The following TRIM44 variants were observed in gnomAD, a reference collection of about 807,000 sequenced individuals.
TRIM44 encodes the protein tripartite motif containing 44.
Under a neutral mutation model 37.4 loss-of-function variants are expected in TRIM44, and 13 were observed. The observed-to-expected ratio is 0.35, with a 90% CI of 0.23 to 0.55. The LOEUF is 0.55. Ranked by LOEUF, TRIM44 falls within the 20% of genes least tolerant of loss-of-function variation. TRIM44 has a pLI of 0.89. For synonymous variants in TRIM44, 175 were observed against 157.2 expected (o/e 1.11, Z -0.85); for missense variants, 426 against 437.2 (o/e 0.97, Z 0.23).
In TRIM44 at chr11:35,663,429, G is replaced by A. The variant is rs775928122; in HGVS notation, c.318G>A (p.Glu106=). 1.0e-5 allele frequency: 16 copies of A among 1,568,686 alleles called. No homozygotes were observed. Among genetic ancestry groups the A allele is most frequent in the Non-Finnish European group, 1.4e-5 (16 of 1,154,810 alleles). Residue 106 remains glutamate (E), a synonymous_variant, in exon 1 of 5, where the codon GAG becomes GAA. Coordinates refer to ENST00000299413, the MANE Select transcript of TRIM44 (RefSeq NM_017583.6). ...AGAGTGAGTCGGAGGAAGAGAGCGA[G>A]TCAGAGGAAGAGAGCGAGACAGAGG... ...GEESESEEES[E]SEEESETEEE...
chr11:35,677,818 A>G (rs997333833), intron 1 of TRIM44, among the ~76,000 whole-genome samples: 2 of 152,240 alleles, frequency 1.3e-5, no homozygotes, highest in Admixed American at 6.5e-5. Flanking sequence ...TTAAATGATA[A>G]GTGATATTTT....
At position 35,711,112 on chromosome 11, in the gene TRIM44, A is replaced by G. The variant is rs578055573; in HGVS notation, c.748-14812A>G. On this transcript the variant is annotated intron_variant, in intron 2 of 4. Transcript: ENST00000299413. Reference sequence around the variant, plus strand: ...GGGTGATGAAAATGTTTTAAAACCAATGGTAATGATAGTTGCACAACTCTG... The same window carrying G: ...GGGTGATGAAAATGTTTTAAAACCAGTGGTAATGATAGTTGCACAACTCTG... Among the ~76,000 whole-genome samples the G allele has an allele frequency of 5.9e-5, 9 of 152,302 alleles. No individual in the cohort carries two copies. In the South Asian group the frequency reaches 1.0e-3, roughly 18 times the overall value.
intron 2 of TRIM44, among the ~76,000 whole-genome samples, chr11:35,697,700 G>A (rs138972472): frequency 0.011 from 1,608 of 151,048 alleles, 29 homozygotes; most frequent in African/African-American, 0.037. Flanking sequence ...GAGAATATGC[G>A]GTGTTTGGTT....
At chr11:35,786,076 G>C (rs1160614929) in intron 4 of TRIM44, among the ~76,000 whole-genome samples, 1 of 152,102 alleles carries the variant, frequency 6.6e-6, no homozygotes, top group Non-Finnish European at 1.5e-5. Flanking sequence ...ATGAGAATAA[G>C]TTAATACCAA....
At chr11:35,715,169 T>C (rs1852023282) in intron 2 of TRIM44, among the ~76,000 whole-genome samples, 1 of 152,184 alleles carries the variant, frequency 6.6e-6, no homozygotes, top group African/African-American at 2.4e-5. Flanking sequence ...AATAAAGTTA[T>C]AGCAGCTGAC....
chr11:35,776,653 G>A (rs1229870455), intron 4 of TRIM44, among the ~76,000 whole-genome samples: 2 of 152,186 alleles, frequency 1.3e-5, no homozygotes, highest in Non-Finnish European at 2.9e-5. Flanking sequence ...ATTCTGGTAT[G>A]TTGTGTCTTT....
intron 1 of TRIM44, among the ~76,000 whole-genome samples, chr11:35,677,899 G>A (rs1312058254): frequency 6.6e-6 from 1 of 152,214 alleles, no homozygotes; most frequent in Non-Finnish European, 1.5e-5. Context: ...GTGGGAATGA[G>A]AGGGAAGCTT....
intron 1 of TRIM44, among the ~76,000 whole-genome samples, chr11:35,674,953 GGT>G (rs1430082525): frequency 1.3e-5 from 2 of 152,164 alleles, no homozygotes; most frequent in Non-Finnish European, 2.9e-5. Flanking sequence ...TTGAAAGATG[GGT>G]AGGGTGTTAC....
At chr11:35,761,371 G>A (rs1162459043) in intron 4 of TRIM44, among the ~76,000 whole-genome samples, 1 of 143,406 alleles carries the variant, frequency 7.0e-6, no homozygotes, top group African/African-American at 2.6e-5. Flanking sequence ...TATTGTAGCA[G>A]GTCTGTTGTA....
At chr11:35,701,266 T>C (rs946692779) in intron 2 of TRIM44, among the ~76,000 whole-genome samples, 3 of 152,204 alleles carry the variant, frequency 2.0e-5, no homozygotes, top group Non-Finnish European at 4.4e-5. Context: ...TCTGTTTTTT[T>C]TCCCCCCGAA....
At chr11:35,711,645 A>G (rs1851976191) in intron 2 of TRIM44, among the ~76,000 whole-genome samples, 1 of 152,114 alleles carries the variant, frequency 6.6e-6, no homozygotes, top group Non-Finnish European at 1.5e-5. Flanking sequence ...TGTCCCAGCT[A>G]CTTGGGAGAC....
At chr11:35,672,140 C>T (rs188125311) in intron 1 of TRIM44, among the ~76,000 whole-genome samples, 73 of 152,262 alleles carry the variant, frequency 4.8e-4, no homozygotes, top group African/African-American at 1.7e-3. Context: ...TTTAGATATA[C>T]TCAGTAGTCT....
At chr11:35,794,739 G>T (rs1171087331) in intron 4 of TRIM44, among the ~76,000 whole-genome samples, 1 of 152,230 alleles carries the variant, frequency 6.6e-6, no homozygotes, top group Non-Finnish European at 1.5e-5. Flanking sequence ...CCCATGGTTT[G>T]CCTGGGAAGG....
At chr11:35,806,272 A>G (rs1853447338) in intron 4 of TRIM44, 86 bp from the exon 5 acceptor site, 10 of 1,460,972 alleles carry the variant, frequency 6.8e-6, no homozygotes, top group Non-Finnish European at 9.6e-6. Context: ...TATGTCTGAC[A>G]TAAAGTCTGT....
At chr11:35,765,423 G>A (rs527423822) in intron 4 of TRIM44, among the ~76,000 whole-genome samples, 6 of 152,308 alleles carry the variant, frequency 3.9e-5, no homozygotes, top group Non-Finnish European at 8.8e-5. Context: ...AGGAATCAAG[G>A]AAGATTTCAC....
At chr11:35,755,686 G>A (rs1446980932) in intron 4 of TRIM44, among the ~76,000 whole-genome samples, 1 of 152,106 alleles carries the variant, frequency 6.6e-6, no homozygotes, top group African/African-American at 2.4e-5. Context: ...TTTGTATAAG[G>A]TGTAAGGAAG....
chr11:35,795,937 T>A (rs1488409152), intron 4 of TRIM44, among the ~76,000 whole-genome samples: 1 of 152,216 alleles, frequency 6.6e-6, no homozygotes, highest in African/African-American at 2.4e-5. Flanking sequence ...CCACTTCATA[T>A]ACATTAATCT....
At chr11:35,700,757 T>C (rs761254656) in intron 2 of TRIM44, among the ~76,000 whole-genome samples, 3 of 152,224 alleles carry the variant, frequency 2.0e-5, no homozygotes, top group Non-Finnish European at 4.4e-5. Flanking sequence ...GCTAATTCCA[T>C]ATGTCCCCGG....
chr11:35,684,649 T>C (rs1851553509), intron 1 of TRIM44, among the ~76,000 whole-genome samples: 1 of 152,204 alleles, frequency 6.6e-6, no homozygotes, highest in Non-Finnish European at 1.5e-5. Flanking sequence ...AAATTGGAAC[T>C]GTATATGTCT....
Sources: allele counts gnomAD v4.1 joint callset (sites outside exome capture counted in the v4.1 genomes callset), GRCh38; gene constraint gnomAD v4.1.1; transcripts MANE v1.5; gene names NCBI Gene and HGNC (gene_info 2026-07-23, HGNC 2026-07-21).